The following RGSL1 variants were observed in gnomAD, a reference collection of about 807,000 sequenced individuals.
RGSL1 encodes regulator of G protein signaling like 1.
RGSL1 carries 97 observed loss-of-function variants against 124.7 expected under a neutral mutation model. The ratio of observed to expected loss-of-function variants is 0.78; its 90% CI spans 0.66 to 0.92. The LOEUF (loss-of-function observed/expected upper bound fraction) is 0.92. Ranked by LOEUF, RGSL1 falls within the 40% of genes least tolerant of loss-of-function variation. The probability of loss-of-function intolerance (pLI) is 0.00; values close to 1 mark genes in which losing one functional copy is unlikely to be tolerated. For synonymous variants in RGSL1, 424 were observed against 438.1 expected (o/e 0.97, Z 0.40); for missense variants, 1,233 against 1,288.4 (o/e 0.96, Z 0.66).
intron 14 of RGSL1, among the ~76,000 whole-genome samples, chr1:182,536,531 T>C (rs957440741): frequency 3.3e-5 from 5 of 152,238 alleles, no homozygotes; most frequent in Non-Finnish European, 1.5e-5. Flanking sequence ...GTTTAATTTT[T>C]ATTTTGTCTG....
intron 1 of RGSL1, among the ~76,000 whole-genome samples, chr1:182,451,680 TAG>T (rs1651846558): frequency 6.6e-6 from 1 of 151,300 alleles, no homozygotes; most frequent in Admixed American, 6.6e-5. Flanking sequence ...GATACTATAC[TAG>T]AGAGTTTGGA....
intron 18 of RGSL1, among the ~76,000 whole-genome samples, chr1:182,552,271 G>A (rs266540): frequency 0.11 from 16,658 of 151,996 alleles, 994 homozygotes; most frequent in Non-Finnish European, 0.14. Flanking sequence ...CTGCCACTGC[G>A]CCCAGCTAAT....
At position 182,530,830 on chromosome 1, in the gene RGSL1, G is replaced by A. The variant is rs1376505878; in HGVS notation, c.2284G>A (p.Glu762Lys). Residue 762 changes from glutamate to lysine, a missense_variant, in exon 13 of 22, where the codon GAG becomes AAG. Coordinates refer to ENST00000294854, the MANE Select transcript of RGSL1 (RefSeq NM_001137669.2). ...YQDLFPPHHQEVEVQSEVQIS... is the reference protein window; with the variant it reads ...YQDLFPPHHQKVEVQSEVQIS... ...AGACCTGTTCCCACCTCACCATCAGGAGGTGGAAGTGCAAAGTGAAGTACA... is the reference window on the plus strand; with the variant it reads ...AGACCTGTTCCCACCTCACCATCAGAAGGTGGAAGTGCAAAGTGAAGTACA... 6.5e-7 allele frequency: 1 copy of A among 1,550,066 alleles called. No homozygotes were observed. Among genetic ancestry groups the A allele is most frequent in the Non-Finnish European group, 8.7e-7 (1 of 1,146,174 alleles).
At chr1:182,475,762 G>C (rs762352829) in intron 6 of RGSL1, among the ~76,000 whole-genome samples, 1 of 152,122 alleles carries the variant, frequency 6.6e-6, no homozygotes, top group East Asian at 1.9e-4. Context: ...TTGATGTGGC[G>C]CATACAGGTT....
chr1:182,556,047 A>C lies in RGSL1; in HGVS notation c.3221A>C (p.Lys1074Thr). 1 of 1,551,612 alleles carries C rather than the reference A, an allele frequency of 6.4e-7. No individual in the cohort carries two copies. Residue 1074 changes from lysine (K) to threonine (T), a missense_variant, in exon 21 of 22, where the codon AAA (lysine) becomes ACA (threonine). Lys to Thr is a moderately conservative substitution (Grantham distance 78). Transcript: ENST00000294854. The part of the protein sequence containing the change: ...VQGQKLSYIK[K>T]EK ...AGACAAAAATTATCCTACATCAAAA[A>C]AGAGAAGTAATCAAGCGAGACCCCC...
intron 9 of RGSL1, among the ~76,000 whole-genome samples, chr1:182,504,208 T>C (rs1252899600): frequency 6.6e-6 from 1 of 152,070 alleles, no homozygotes; most frequent in Non-Finnish European, 1.5e-5. Flanking sequence ...CTCGAACTCC[T>C]GACCTCAGGT....
At chr1:182,474,750 G>T (rs1005119098) in intron 6 of RGSL1, among the ~76,000 whole-genome samples, 18 of 152,154 alleles carry the variant, frequency 1.2e-4, no homozygotes, top group African/African-American at 3.9e-4. Context: ...GTTAGGAACT[G>T]GGCCGCACAG....
At chr1:182,471,592 C>T (rs1262279213) in intron 4 of RGSL1, among the ~76,000 whole-genome samples, 2 of 152,144 alleles carry the variant, frequency 1.3e-5, no homozygotes, top group Admixed American at 1.3e-4. Context: ...TTTATTCATT[C>T]ATTCATTTAA....
chr1:182,486,288 T>G (rs1220354232), intron 6 of RGSL1, among the ~76,000 whole-genome samples: 1 of 151,798 alleles, frequency 6.6e-6, no homozygotes, highest in African/African-American at 2.4e-5. Flanking sequence ...TATTTATCTA[T>G]TAATTATTAG....
intron 6 of RGSL1, among the ~76,000 whole-genome samples, chr1:182,486,163 T>C (rs566473356): frequency 1.3e-5 from 2 of 152,026 alleles, no homozygotes; most frequent in Non-Finnish European, 2.9e-5. Context: ...TATTATAGGG[T>C]TTTTAGATGC....
intron 6 of RGSL1, among the ~76,000 whole-genome samples, chr1:182,477,636 C>T (rs1038596940): frequency 3.5e-4 from 54 of 152,182 alleles, no homozygotes; most frequent in Admixed American, 3.1e-3. Context: ...TAACCCAAAC[C>T]ACCTGCAGAC....
chr1:182,535,102 A>G (rs1558402674), intron 14 of RGSL1, among the ~76,000 whole-genome samples: 1 of 152,212 alleles, frequency 6.6e-6, no homozygotes, highest in Non-Finnish European at 1.5e-5. Context: ...ATAAGTGACT[A>G]TATGAGCAGC....
At chr1:182,546,692 A>G (rs1464223385) in intron 15 of RGSL1, among the ~76,000 whole-genome samples, 1 of 152,196 alleles carries the variant, frequency 6.6e-6, no homozygotes, top group Non-Finnish European at 1.5e-5. Flanking sequence ...CACCCAGCCA[A>G]CAACACTTTT....
chr1:182,493,060 A>T lies in RGSL1; in HGVS notation c.1756A>T (p.Asn586Tyr). 1.3e-6 allele frequency: 2 copies of T among 1,551,820 alleles called. No homozygotes were observed. The highest frequency in any genetic ancestry group is 8.7e-7 in the Non-Finnish European group (1 of 1,146,954). The change falls in exon 9 of 22, where the codon AAC becomes TAC. Residue 586 changes from asparagine to tyrosine, a missense_variant. Physicochemically the swap from Asn to Tyr is moderately radical, Grantham distance 143 (BLOSUM62 -2). Transcript: ENST00000294854. The part of the protein sequence containing the change: ...KMSFEELCYK[N>Y]PKMAIQKISD... ...GTCCTTTGAGGAGCTTTGCTACAAG[A>T]ACCCAAAGATGGCCATACAGAAGAT...
intron 8 of RGSL1, 42 bp downstream of exon 8, chr1:182,489,244 G>A (rs1407954407): frequency 7.0e-7 from 1 of 1,426,298 alleles, no homozygotes; most frequent in Non-Finnish European, 9.6e-7. Context: ...TTACATATGG[G>A]CAACTGGAAA....
chr1:182,482,729 A>G (rs1374612030), intron 6 of RGSL1, among the ~76,000 whole-genome samples: 1 of 152,224 alleles, frequency 6.6e-6, no homozygotes, highest in Non-Finnish European at 1.5e-5. Context: ...CAAAAAATGA[A>G]AAGTAGAATC....
chr1:182,527,430 G>A, intron 10 of RGSL1, 149 bp from the exon 11 acceptor site: 2 of 609,294 alleles, frequency 3.3e-6, no homozygotes, highest in Non-Finnish European at 5.6e-6. Context: ...CAAAGAAATA[G>A]ACAGATTTAG....
intron 10 of RGSL1, among the ~76,000 whole-genome samples, chr1:182,525,545 G>A (rs1192382988): frequency 6.7e-6 from 1 of 148,312 alleles, no homozygotes; most frequent in Non-Finnish European, 1.5e-5. Flanking sequence ...GTTGACAAAA[G>A]AATCATAGAG....
intron 2 of RGSL1, among the ~76,000 whole-genome samples, chr1:182,454,602 G>A (rs867031968): frequency 0.019 from 2,877 of 151,556 alleles, 84 homozygotes; most frequent in African/African-American, 0.066. Context: ...GTGTGTGTGT[G>A]TGTGTGTGTG....
Sources: gnomAD v4.1 joint callset for allele counts (sites outside exome capture counted in the v4.1 genomes callset) on GRCh38, gnomAD v4.1.1 for gene constraint, MANE v1.5 for transcripts, NCBI Gene and HGNC (gene_info 2026-07-23, HGNC 2026-07-21) for gene names.